The following TMEM74 variants were observed in gnomAD, a reference collection of about 807,000 sequenced individuals.
The protein encoded by TMEM74 is transmembrane protein 74.
A neutral mutation model predicts 18.1 loss-of-function variants in TMEM74; 13 were observed. The observed-to-expected ratio is 0.72, with a 90% CI of 0.47 to 1.14. The LOEUF (loss-of-function observed/expected upper bound fraction) is 1.14, where lower values mean the gene tolerates loss of function less well. Among genes scored for constraint, TMEM74 ranks in the 50% most tolerant of loss-of-function variants. TMEM74 has a pLI of 0.00. For synonymous variants in TMEM74, 159 were observed against 146.6 expected (o/e 1.08, Z -0.61); for missense variants, 372 against 375.9 (o/e 0.99, Z 0.09).
At chr8:108,699,936 A>G (rs1168477212) in intron 1 of TMEM74, among the ~76,000 whole-genome samples, 1 of 152,238 alleles carries the variant, frequency 6.6e-6, no homozygotes, top group Non-Finnish European at 1.5e-5. Flanking sequence ...GAAAATAATA[A>G]GCATAACATA....
intron 2 of TMEM74, among the ~76,000 whole-genome samples, chr8:108,641,628 A>T (rs779230160): frequency 6.6e-6 from 1 of 152,172 alleles, no homozygotes; most frequent in Non-Finnish European, 1.5e-5. Flanking sequence ...CAACAGAAGT[A>T]TATCTCACCC....
At chr8:108,677,008 C>T (rs1813061786) in intron 1 of TMEM74, among the ~76,000 whole-genome samples, 1 of 152,202 alleles carries the variant, frequency 6.6e-6, no homozygotes, top group Admixed American at 6.5e-5. Context: ...TAAATCAAAA[C>T]ATTATTCAAA....
At chr8:108,647,399 C>T (rs1404499029) in intron 2 of TMEM74, among the ~76,000 whole-genome samples, 6 of 151,996 alleles carry the variant, frequency 3.9e-5, no homozygotes, top group Non-Finnish European at 8.8e-5. Context: ...TTTGTATTAT[C>T]GAGGTACCAA....
At chr8:108,756,947 C>T (rs1190393024) in intron 1 of TMEM74, among the ~76,000 whole-genome samples, 1 of 152,026 alleles carries the variant, frequency 6.6e-6, no homozygotes. Context: ...GTTTACTTAC[C>T]TGGTAATAGC....
intron 1 of TMEM74, among the ~76,000 whole-genome samples, chr8:108,702,157 A>G (rs1422971932): frequency 2.0e-5 from 3 of 152,002 alleles, no homozygotes; most frequent in Non-Finnish European, 4.4e-5. Flanking sequence ...TGCCTGGCCA[A>G]CGTAGTGAAA....
At chr8:108,759,743 G>A (rs1814019738) in intron 1 of TMEM74, among the ~76,000 whole-genome samples, 1 of 152,126 alleles carries the variant, frequency 6.6e-6, no homozygotes, top group Admixed American at 6.6e-5. Flanking sequence ...AAAGACAGAT[G>A]CTTCTATGGA....
intron 1 of TMEM74, among the ~76,000 whole-genome samples, chr8:108,764,340 C>T (rs1303068845): frequency 6.6e-6 from 1 of 152,012 alleles, no homozygotes; most frequent in African/African-American, 2.4e-5. Context: ...AACACTAAAA[C>T]TAAAACAAAC....
intron 2 of TMEM74, among the ~76,000 whole-genome samples, chr8:108,620,382 A>G (rs1812427622): frequency 6.6e-6 from 1 of 152,170 alleles, no homozygotes; most frequent in Non-Finnish European, 1.5e-5. Context: ...AAAATTGCCC[A>G]TGGCTATTTC....
chr8:108,680,412 A>C (rs1282389024), intron 1 of TMEM74, among the ~76,000 whole-genome samples: 1 of 152,216 alleles, frequency 6.6e-6, no homozygotes, highest in Non-Finnish European at 1.5e-5. Context: ...CCAAAGACAA[A>C]AACCACATGA....
chr8:108,786,778 C>T (rs545510177), intron 1 of TMEM74, among the ~76,000 whole-genome samples: 395 of 152,300 alleles, frequency 2.6e-3, no homozygotes, highest in Non-Finnish European at 4.1e-3. Context: ...ACCTTTGGTA[C>T]CATTAACTCA....
At chr8:108,747,574 C>G (rs1328518732) in intron 1 of TMEM74, among the ~76,000 whole-genome samples, 3 of 151,792 alleles carry the variant, frequency 2.0e-5, no homozygotes, top group African/African-American at 4.8e-5. Flanking sequence ...AAATTGGCAA[C>G]TTTTAAGTTC....
At position 108,783,006 on chromosome 8, in the gene TMEM74, C is replaced by A. The variant is rs77019993; in HGVS notation, c.*1175G>T. ...TTGTGCTGCATGAGGCAAGAGTTCA[C>A]AGTTGCTGAATGACATCTAGACCAC... is the stretch of plus-strand genomic sequence containing the variant. On this transcript the variant is annotated 3_prime_UTR_variant, in exon 2 of 2. Transcript: ENST00000297459. Among the ~76,000 whole-genome samples the A allele has an allele frequency of 0.02, 2,992 of 152,324 alleles. 106 individuals are homozygous for A. Among genetic ancestry groups the A allele is most frequent in the African/African-American group, 0.068 (2,815 of 41,550 alleles).
chr8:108,675,059 A>G (rs1813043184), intron 1 of TMEM74, among the ~76,000 whole-genome samples: 1 of 152,144 alleles, frequency 6.6e-6, no homozygotes, highest in African/African-American at 2.4e-5. Context: ...GTTGGTGTAT[A>G]TATACCCCAG....
chr8:108,670,667 T>A (rs1812995965), intron 1 of TMEM74, among the ~76,000 whole-genome samples: 1 of 152,148 alleles, frequency 6.6e-6, no homozygotes, highest in East Asian at 1.9e-4. Context: ...ATATACGACA[T>A]CTTTGTGGAA....
Position 108,784,718 on chromosome 8 carries a change from C to T in TMEM74, c.381G>A (p.Ser127=), listed in dbSNP as rs770024088. The change falls in exon 2 of 2, where the codon TCG becomes TCA. Residue 127 remains serine (S), a synonymous_variant. Transcript: ENST00000297459. ...NINLEQRNRS[S]PSAKGHNHPG... is the part of the protein sequence containing the mutation. ...GGTGATTATGCCCTTTTGCTGATGG[C>T]GAGCTCCGGTTCCGCTGCTCCAAGT... 94 of 1,613,988 alleles carry T rather than the reference C, an allele frequency of 5.8e-5. No individual in the cohort carries two copies. The highest frequency in any genetic ancestry group is 2.5e-4 in the South Asian group (23 of 91,078).
intron 1 of TMEM74, among the ~76,000 whole-genome samples, chr8:108,731,569 G>C (rs1181220320): frequency 1.3e-5 from 2 of 152,140 alleles, no homozygotes; most frequent in African/African-American, 4.8e-5. Context: ...TTAGGTGATA[G>C]AGAGCATGAA....
intron 1 of TMEM74, among the ~76,000 whole-genome samples, chr8:108,705,890 A>G (rs530452759): frequency 6.6e-6 from 1 of 152,330 alleles, no homozygotes; most frequent in East Asian, 1.9e-4. Flanking sequence ...TGCAAATGTC[A>G]TTCAGGATGG....
At chr8:108,742,089 T>C (rs1039157106) in intron 1 of TMEM74, among the ~76,000 whole-genome samples, 2 of 152,056 alleles carry the variant, frequency 1.3e-5, no homozygotes, top group Non-Finnish European at 2.9e-5. Flanking sequence ...AAGTGGGACC[T>C]GAATAATGAG....
intron 2 of TMEM74, among the ~76,000 whole-genome samples, chr8:108,633,320 G>C (rs1812574825): frequency 6.6e-6 from 1 of 152,002 alleles, no homozygotes; most frequent in Non-Finnish European, 1.5e-5. Context: ...TGGCTCAGGA[G>C]AAATTTGTCA....
Sources: gnomAD v4.1 joint callset for allele counts (sites outside exome capture counted in the v4.1 genomes callset) on GRCh38, gnomAD v4.1.1 for gene constraint, MANE v1.5 for transcripts, NCBI Gene and HGNC (gene_info 2026-07-23, HGNC 2026-07-21) for gene names.